Variants in RCN2 observed in about 807,000 individuals in gnomAD.
The protein encoded by RCN2 is reticulocalbin-2.
Under a neutral mutation model 37.5 loss-of-function variants are expected in RCN2, and 23 were observed. The ratio of observed to expected loss-of-function variants is 0.61; its 90% confidence interval spans 0.44 to 0.87. RCN2 has a LOEUF of 0.87. RCN2 is among the 40% of genes least tolerant of loss of function. RCN2 has a pLI of 0.00. For synonymous variants in RCN2, 140 were observed against 144.6 expected (o/e 0.97, Z 0.23); for missense variants, 381 against 390.4 (o/e 0.98, Z 0.20).
chr15:76,943,946 G>A, intron 4 of RCN2, 75 bp downstream of exon 4: 3 of 686,612 alleles, frequency 4.4e-6, no homozygotes, highest in South Asian at 3.8e-5. Flanking sequence ...ATTTTTGTGG[G>A]TACATAGTAG....
At chr15:76,936,162 CAAAAAAGT>C (rs2075246673) in intron 3 of RCN2, among the ~76,000 whole-genome samples, 1 of 149,306 alleles carries the variant, frequency 6.7e-6, no homozygotes, top group African/African-American at 2.5e-5. Context: ...CGTAAGTATC[CAAAAAAGT>C]AAGTATTAAA....
chr15:76,937,697 G>C (rs539435197), intron 3 of RCN2, among the ~76,000 whole-genome samples: 4 of 152,004 alleles, frequency 2.6e-5, no homozygotes, highest in Non-Finnish European at 5.9e-5. Flanking sequence ...TGTAAGCCAC[G>C]ACACCTGGCC....
intron 2 of RCN2, among the ~76,000 whole-genome samples, chr15:76,935,062 C>T (rs1422797958): frequency 1.3e-5 from 2 of 152,146 alleles, no homozygotes; most frequent in Admixed American, 6.5e-5. Flanking sequence ...TGGTGGCTCA[C>T]GCCTGTAATC....
intron 2 of RCN2, among the ~76,000 whole-genome samples, chr15:76,934,928 A>G (rs1202040815): frequency 6.6e-6 from 1 of 152,226 alleles, no homozygotes; most frequent in African/African-American, 2.4e-5. Flanking sequence ...TTCAACAAAT[A>G]CTTACAGAGC....
At chr15:76,933,519 T>C (rs2075233903) in intron 2 of RCN2, among the ~76,000 whole-genome samples, 1 of 152,238 alleles carries the variant, frequency 6.6e-6, no homozygotes, top group African/African-American at 2.4e-5. Context: ...CACAACACGT[T>C]GATTTGGAAG....
intron 6 of RCN2, 30 bp from the exon 7 acceptor site, chr15:76,949,040 C>T (rs762887454): frequency 6.4e-7 from 1 of 1,564,924 alleles, no homozygotes; most frequent in Non-Finnish European, 8.6e-7. Flanking sequence ...ATACTTATTA[C>T]ACTTGACACT....
Position 76,935,639 on chromosome 15 carries a change from TATAACATTCAGA to T in RCN2, c.365_376del (p.Tyr122_Met126delinsLeu). The T allele has an allele frequency of 6.2e-7, 1 of 1,613,912 alleles. No individual in the cohort carries two copies. The highest frequency in any genetic ancestry group is 8.5e-7 in the Non-Finnish European group (1 of 1,179,774). On this transcript the variant is annotated inframe_deletion, in exon 3 of 7. Coordinates refer to ENST00000394885, the MANE Select transcript of RCN2 (RefSeq NM_002902.3). ...TGATGATACTGTGACTTGGGATGAA[TATAACATTCAGA>T]TGTATGATCGTGTGATTGACTTTGA...
rs2075331492 is a variant in RCN2, at chr15:76,953,568, TA to T, written c.*4347del. On this transcript the variant is annotated 3_prime_UTR_variant, in exon 7 of 7. Coordinates refer to ENST00000394885, the MANE Select transcript of RCN2 (RefSeq NM_002902.3). ...CATATAGTAATTCTATATATATATA[TA>T]TATATATATATATATATATATATAT... The T allele has an allele frequency of 1.9e-4, 3 of 16,216 alleles. No individual in the cohort carries two copies. The highest frequency in any genetic ancestry group is 5.5e-4 in the African/African-American group (2 of 3,648). The allele number at this position is 16,216 out of a possible 1,614,324, so 1.0% of individuals were successfully genotyped here.
At position 76,950,498 on chromosome 15, in the gene RCN2, C is replaced by G. The variant is rs978227048; in HGVS notation, c.*1276C>G. ...CTGCCTCCTGGGTTCACGCCATTCT[C>G]CTGCCTCAGCCTCCCGAGTAGCTGG... On this transcript the variant is annotated 3_prime_UTR_variant, in exon 7 of 7. Transcript: ENST00000394885. The G allele has an allele frequency of 2.0e-5, 3 of 151,316 alleles. No individual in the cohort carries two copies. The highest frequency in any genetic ancestry group is 4.9e-5 in the African/African-American group (2 of 41,092). 9.4% of individuals were successfully genotyped at this position (151,316 alleles called of 1,614,324 possible).
intron 3 of RCN2, among the ~76,000 whole-genome samples, chr15:76,940,546 CT>C (rs11463370): frequency 0.12 from 14,197 of 119,480 alleles, 588 homozygotes; most frequent in African/African-American, 0.16. Flanking sequence ...TGAACTTCAC[CT>C]TTTTTTTTTT....
chr15:76,937,229 G>T (rs1402159002), intron 3 of RCN2, among the ~76,000 whole-genome samples: 1 of 152,128 alleles, frequency 6.6e-6, no homozygotes, highest in Non-Finnish European at 1.5e-5. Flanking sequence ...ACACTCAAAA[G>T]AAATGCTCAT....
chr15:76,948,627 C>T, intron 6 of RCN2, 75 bp downstream of exon 6: 1 of 1,385,196 alleles, frequency 7.2e-7, no homozygotes, highest in Non-Finnish European at 9.6e-7. Flanking sequence ...AAAAGAAGTT[C>T]AAAATCTTAA....
At chr15:76,948,373 T>C (rs2075304763) in intron 5 of RCN2, 37 bp from the exon 6 acceptor site, 1 of 1,448,248 alleles carries the variant, frequency 6.9e-7, no homozygotes, top group South Asian at 1.3e-5. Flanking sequence ...ACATGTGATA[T>C]TCTTGTGTAT....
At chr15:76,936,040 A>G (rs1446648579) in intron 3 of RCN2, among the ~76,000 whole-genome samples, 2 of 152,142 alleles carry the variant, frequency 1.3e-5, no homozygotes, top group Admixed American at 6.5e-5. Flanking sequence ...AATCAGTTTT[A>G]TCTTTATTAA....
intron 3 of RCN2, chr15:76,942,656 T>A (rs2075280516): frequency 6.6e-6 from 1 of 152,236 alleles, no homozygotes; most frequent in Admixed American, 6.5e-5. Context: ...AGACTAGACT[T>A]CCAGGCTGAG....
chr15:76,933,007 C>A (rs1396708603), intron 2 of RCN2, among the ~76,000 whole-genome samples: 1 of 151,940 alleles, frequency 6.6e-6, no homozygotes, highest in Non-Finnish European at 1.5e-5. Context: ...GTGCCTTCTA[C>A]AAATAAGTGG....
intron 2 of RCN2, 40 bp downstream of exon 2, chr15:76,932,506 C>G (rs1264169216): frequency 1.5e-6 from 2 of 1,360,780 alleles, no homozygotes; most frequent in Admixed American, 3.4e-5. Context: ...GAGACAAACA[C>G]AAATATGTTA....
At chr15:76,946,013 T>G (rs2152651523) in intron 4 of RCN2, among the ~76,000 whole-genome samples, 1 of 152,266 alleles carries the variant, frequency 6.6e-6, no homozygotes, top group Middle Eastern at 3.4e-3. Context: ...AAGAGGGGAA[T>G]TACCAGTAAA....
chr15:76,941,578 G>GA (rs74705067), intron 3 of RCN2: 1,758 of 937,414 alleles, frequency 1.9e-3, no homozygotes, highest in South Asian at 2.7e-3. Context: ...TTATATACAA[G>GA]AAAAAAAAAG....
Sources: gnomAD v4.1 joint callset for allele counts (sites outside exome capture counted in the v4.1 genomes callset) on GRCh38, gnomAD v4.1.1 for gene constraint, MANE v1.5 for transcripts, NCBI Gene and HGNC (gene_info 2026-07-23, HGNC 2026-07-21) for gene names.